The following ORC2 variants were observed in gnomAD, a reference collection of about 807,000 sequenced individuals.
ORC2 encodes the protein origin recognition complex subunit 2.
Under a neutral mutation model 77.7 loss-of-function variants are expected in ORC2, and 37 were observed. That is an observed-to-expected ratio of 0.48 (90% CI 0.37 to 0.63). ORC2 has a LOEUF of 0.63. Ranked by LOEUF, ORC2 falls within the 20% of genes least tolerant of loss-of-function variation. The pLI, the probability that ORC2 is intolerant of heterozygous loss-of-function variation, is 0.00. For synonymous variants in ORC2, 201 were observed against 229.5 expected (o/e 0.88, Z 1.12); for missense variants, 557 against 661.9 (o/e 0.84, Z 1.74).
rs370388493 is a variant in ORC2, at chr2:200,926,900, G to C, written c.918C>G (p.His306Gln). The C allele has an allele frequency of 2.5e-5, 40 of 1,613,086 alleles. No individual in the cohort carries two copies. The highest frequency in any genetic ancestry group is 3.1e-5 in the Non-Finnish European group (37 of 1,179,606). ...CATAAAGCACAATGTTGAACCCAAG[G>C]CTGTTAGGAAAGACAGTATTCATGA... ...KLFHKWMLQLHLGFNIVLYGL... is the reference protein window; with the variant it reads ...KLFHKWMLQLQLGFNIVLYGL... Residue 306 changes from histidine (H) to glutamine (Q), a missense_variant and splice_region_variant, in exon 12 of 18, where the codon CAC (histidine) becomes CAG (glutamine). Physicochemically the swap from His to Gln is conservative, Grantham distance 24. Coordinates refer to ENST00000234296, the MANE Select transcript of ORC2 (RefSeq NM_006190.5).
At chr2:200,944,018 C>T (rs971514510) in intron 5 of ORC2, among the ~76,000 whole-genome samples, 5 of 152,036 alleles carry the variant, frequency 3.3e-5, no homozygotes, top group African/African-American at 1.2e-4. Context: ...GAAAAAACTT[C>T]ATATGAAAAG....
chr2:200,937,283 A>G (rs1425443199), intron 8 of ORC2, among the ~76,000 whole-genome samples: 13 of 152,254 alleles, frequency 8.5e-5, no homozygotes, highest in Non-Finnish European at 4.4e-5. Context: ...TCACAACTAT[A>G]CAGATCTTTT....
In ORC2 at chr2:200,949,533, GA is replaced by G; in HGVS notation, c.328+20del. 1 of 1,290,194 alleles carries G rather than the reference GA, an allele frequency of 7.8e-7. No homozygotes were observed. The highest frequency in any genetic ancestry group is 1.2e-5 in the South Asian group (1 of 81,424). 79.9% of individuals were successfully genotyped at this position (1,290,194 alleles called of 1,614,324 possible). A position where few individuals can be genotyped will look rare whatever the true frequency, so the allele number is the denominator to read the frequency against. On this transcript the variant is annotated intron_variant, in intron 5 of 17. Coordinates refer to ENST00000234296, the MANE Select transcript of ORC2 (RefSeq NM_006190.5). ...TTAGGAAAGATGAGTAATAGTTATAGAAATCAGAAAAGCAACATACCTAATT... is the reference window on the plus strand; with the variant it reads ...TTAGGAAAGATGAGTAATAGTTATAGAATCAGAAAAGCAACATACCTAATT...
At chr2:200,946,505 T>C (rs746318034) in intron 5 of ORC2, among the ~76,000 whole-genome samples, 3 of 152,242 alleles carry the variant, frequency 2.0e-5, no homozygotes, top group Non-Finnish European at 2.9e-5. Flanking sequence ...TGAAATTTCA[T>C]GGTCATAATA....
At chr2:200,922,395 AT>A (rs2040775989) in intron 13 of ORC2, among the ~76,000 whole-genome samples, 2 of 150,328 alleles carry the variant, frequency 1.3e-5, no homozygotes, top group African/African-American at 2.5e-5. Context: ...AAAAAAAAAA[AT>A]TGAAGGCAGG....
chr2:200,952,812 T>TA (rs562917701), intron 4 of ORC2, among the ~76,000 whole-genome samples: 1,804 of 138,858 alleles, frequency 0.013, 16 homozygotes, highest in Non-Finnish European at 0.018. Flanking sequence ...GCTTAAAAAT[T>TA]AAAAAAAAAA....
At chr2:200,960,122 C>T (rs577763589) in intron 1 of ORC2, among the ~76,000 whole-genome samples, 47 of 151,924 alleles carry the variant, frequency 3.1e-4, no homozygotes, top group Non-Finnish European at 5.6e-4. Context: ...GGACTACTAG[C>T]TTCTGCCACC....
intron 4 of ORC2, among the ~76,000 whole-genome samples, chr2:200,952,230 G>T (rs1026560833): frequency 6.6e-5 from 10 of 151,338 alleles, no homozygotes; most frequent in African/African-American, 1.7e-4. Context: ...TTAGAATATA[G>T]AATGTATAAC....
chr2:200,928,274 T>A (rs2040878070), intron 11 of ORC2, among the ~76,000 whole-genome samples: 1 of 148,036 alleles, frequency 6.8e-6, no homozygotes, highest in South Asian at 2.1e-4. Flanking sequence ...GAGAATTGCT[T>A]GAACCTGGGA....
intron 10 of ORC2, among the ~76,000 whole-genome samples, chr2:200,932,765 C>T (rs1220603251): frequency 6.6e-6 from 1 of 152,176 alleles, no homozygotes; most frequent in African/African-American, 2.4e-5. Flanking sequence ...TGTGTTTTCC[C>T]ACTTTTCCTC....
At chr2:200,926,699 C>G (rs944230621) in intron 12 of ORC2, 69 bp downstream of exon 12, 1 of 1,512,162 alleles carries the variant, frequency 6.6e-7, no homozygotes, top group African/African-American at 1.4e-5. Flanking sequence ...ATACTCCATC[C>G]TCATTTATGT....
intron 11 of ORC2, among the ~76,000 whole-genome samples, chr2:200,930,403 T>C (rs554989367): frequency 2.8e-4 from 42 of 152,226 alleles, no homozygotes; most frequent in African/African-American, 9.6e-4. Context: ...GGGATGGGAT[T>C]AGAATGAAGA....
chr2:200,913,468 A>G (rs1432281319), intron 16 of ORC2, 55 bp from the exon 17 acceptor site: 1 of 1,516,448 alleles, frequency 6.6e-7, no homozygotes, highest in Non-Finnish European at 8.9e-7. Flanking sequence ...ATGACCCAAT[A>G]TACAAACACC....
rs370724619 is a variant in ORC2, at chr2:200,940,663, G to A, written c.453+585C>T. 1.8e-4 allele frequency among the ~76,000 whole-genome samples: 27 copies of A among 152,112 alleles called. No homozygotes were observed. In the South Asian group the frequency reaches 2.5e-3, roughly 14 times the overall value. On this transcript the variant is annotated intron_variant, in intron 7 of 17. Transcript: ENST00000234296. ...CTAAAAATACAAAAATTAGCCAGGCGTGGTGGTGCACACCTGTAATCCCAG... is the reference window on the plus strand; with the variant it reads ...CTAAAAATACAAAAATTAGCCAGGCATGGTGGTGCACACCTGTAATCCCAG...
chr2:200,916,385 T>C (rs1443134400), intron 15 of ORC2, among the ~76,000 whole-genome samples: 1 of 151,974 alleles, frequency 6.6e-6, no homozygotes, highest in Non-Finnish European at 1.5e-5. Context: ...TGTGGGATGC[T>C]GAGGCATGAA....
At chr2:200,936,396 C>G (rs1303057803) in intron 8 of ORC2, among the ~76,000 whole-genome samples, 1 of 152,124 alleles carries the variant, frequency 6.6e-6, no homozygotes, top group African/African-American at 2.4e-5. Flanking sequence ...AAGGATTTTC[C>G]TCAATTACGG....
intron 13 of ORC2, 173 bp from the exon 14 acceptor site, chr2:200,921,312 C>T (rs2040756116): frequency 5.4e-6 from 2 of 369,978 alleles, no homozygotes; most frequent in Non-Finnish European, 9.5e-6. Context: ...CGCACACCAC[C>T]ATGCCTGGCT....
At chr2:200,915,092 C>T (rs1169162647) in intron 15 of ORC2, among the ~76,000 whole-genome samples, 4 of 147,672 alleles carry the variant, frequency 2.7e-5, no homozygotes, top group Non-Finnish European at 6.0e-5. Context: ...CTTGGCTCAC[C>T]GCAACCTCTG....
chr2:200,927,080 G>A (rs1184300492), intron 11 of ORC2, among the ~76,000 whole-genome samples, 180 bp from the exon 12 acceptor site: 2 of 151,812 alleles, frequency 1.3e-5, no homozygotes, highest in African/African-American at 4.8e-5. Context: ...TTTCATGTAT[G>A]TATATATATG....
Sources: allele counts gnomAD v4.1 joint callset (sites outside exome capture counted in the v4.1 genomes callset), GRCh38; gene constraint gnomAD v4.1.1; transcripts MANE v1.5; gene names NCBI Gene and HGNC (gene_info 2026-07-23, HGNC 2026-07-21).